LRRC9: variants seen among roughly 807,000 people sequenced by gnomAD.
LRRC9 encodes leucine-rich repeat-containing protein 9.
In LRRC9, 122 loss-of-function variants were observed where a neutral mutation model predicts 63.2. The ratio of observed to expected loss-of-function variants is 1.93; its 90% CI spans 1.67 to 2.24. The LOEUF (loss-of-function observed/expected upper bound fraction) is 2.24. Ranked by LOEUF, LRRC9 falls within the 30% of genes most tolerant of loss-of-function variation. The pLI is 0.00. For missense variants in LRRC9, 1,071 were observed against 627.7 expected (o/e 1.71, Z -7.55); for synonymous variants, 366 against 213.1 (o/e 1.72, Z -6.25).
chr14:59,942,864 G>C lies in LRRC9; in HGVS notation c.727-1725G>C, dbSNP rs1312689383. 6.6e-6 allele frequency among the ~76,000 whole-genome samples: 1 copy of C among 151,932 alleles called. No homozygotes were observed. Among genetic ancestry groups the C allele is most frequent in the Non-Finnish European group, 1.5e-5 (1 of 68,002 alleles). On this transcript the variant is annotated intron_variant, in intron 7 of 31. Transcript: ENST00000445360. The surrounding 1 kb of genome is among the most constrained non-coding windows in gnomAD (Gnocchi z 5.3). ...TTTATTTGCATTTCCATGATGGTTAGTTAGTGATGTTGAGCATTTTTTCAT... is the reference window on the plus strand; with the variant it reads ...TTTATTTGCATTTCCATGATGGTTACTTAGTGATGTTGAGCATTTTTTCAT...
intron 27 of LRRC9, among the ~76,000 whole-genome samples, chr14:60,024,326 A>G (rs1891348909): frequency 6.6e-6 from 1 of 152,120 alleles, no homozygotes; most frequent in South Asian, 2.1e-4. Flanking sequence ...TAGAGCCAGG[A>G]CCAAAGTAGG....
Position 60,058,826 on chromosome 14 carries a change from T to C in LRRC9, c.4276+804T>C, listed in dbSNP as rs1238392644. On this transcript the variant is annotated intron_variant, in intron 31 of 31. Transcript: ENST00000445360. This position sits in a 1 kb window ranked among gnomAD's most constrained non-coding sequence, Gnocchi z 4.4. ...AGACTGTTCCATGTGATTAAAGTTT[T>C]TTAAAGAAACCCACTGAAAAACAAA... 6.6e-6 allele frequency among the ~76,000 whole-genome samples: 1 copy of C among 152,160 alleles called. No individual in the cohort carries two copies. Among genetic ancestry groups the C allele is most frequent in the Admixed American group, 6.5e-5 (1 of 15,274 alleles).
rs1378064743 is a variant in LRRC9 at position 60,038,809 on chromosome 14, T to C, written c.3990+6746T>C. Among the ~76,000 whole-genome samples, 7 of 152,342 alleles carry C rather than the reference T, an allele frequency of 4.6e-5. No homozygotes were observed. The East Asian group carries it at 1.2e-3, about 25-fold the overall frequency. Reference sequence around the variant, plus strand: ...CCAGAACTTCCAACACTATGTTGAATAGGAGTGGTGAGAGAGGGCATCCCT... The same window carrying C: ...CCAGAACTTCCAACACTATGTTGAACAGGAGTGGTGAGAGAGGGCATCCCT... On this transcript the variant is annotated intron_variant, in intron 29 of 31. Transcript: ENST00000445360.
rs1419647509 is a variant in LRRC9, at chr14:59,932,928, CAT to C, written c.543+893_543+894del. Among the ~76,000 whole-genome samples, 1 of 152,092 alleles carries C rather than the reference CAT, an allele frequency of 6.6e-6. No homozygotes were observed. Among genetic ancestry groups the C allele is most frequent in the African/African-American group, 2.4e-5 (1 of 41,432 alleles). ...ATCTATTTCAGAGTAGAAGACATTT[CAT>C]ATAATGGGGCCATAAGACTACCTAA... On this transcript the variant is annotated intron_variant, in intron 6 of 31. Transcript: ENST00000445360. This position sits in a 1 kb window ranked among gnomAD's most constrained non-coding sequence, Gnocchi z 4.7.
chr14:59,976,282 A>G (rs1408204440), intron 13 of LRRC9, among the ~76,000 whole-genome samples: 1 of 152,246 alleles, frequency 6.6e-6, no homozygotes, highest in African/African-American at 2.4e-5. Context: ...CACCTGAATC[A>G]TCCTGAAACC....
At chr14:59,979,357 G>A (rs1360865129) in intron 15 of LRRC9, among the ~76,000 whole-genome samples, 1 of 152,144 alleles carries the variant, frequency 6.6e-6, no homozygotes, top group Non-Finnish European at 1.5e-5. Context: ...GGTGGCTCAC[G>A]CCTGTAATCC....
intron 8 of LRRC9, among the ~76,000 whole-genome samples, chr14:59,945,820 G>T (rs1201615194): frequency 1.3e-5 from 2 of 151,846 alleles, no homozygotes; most frequent in Non-Finnish European, 2.9e-5. Flanking sequence ...AAATAAAAAT[G>T]ACTAATAAGC....
At chr14:59,957,228 C>T (rs1247496216) in intron 8 of LRRC9, among the ~76,000 whole-genome samples, 1 of 152,160 alleles carries the variant, frequency 6.6e-6, no homozygotes, top group East Asian at 1.9e-4. Flanking sequence ...TGTTTTCCAA[C>T]TTGGTTGCAT....
At chr14:59,981,441 A>C (rs1886917695) in intron 15 of LRRC9, among the ~76,000 whole-genome samples, 1 of 152,178 alleles carries the variant, frequency 6.6e-6, no homozygotes, top group African/African-American at 2.4e-5. Flanking sequence ...TAAGGTAACT[A>C]ATTGCTCTTT....
At chr14:59,982,875 A>C (rs929866828) in intron 16 of LRRC9, among the ~76,000 whole-genome samples, 1 of 152,228 alleles carries the variant, frequency 6.6e-6, no homozygotes, top group African/African-American at 2.4e-5. Context: ...ATAACCAATC[A>C]GCTCTCTTCA....
intron 8 of LRRC9, among the ~76,000 whole-genome samples, chr14:59,957,220 T>A (rs1204190176): frequency 6.6e-6 from 1 of 152,166 alleles, no homozygotes. Context: ...CTGAAGTGTG[T>A]TTTCCAACTT....
chr14:60,008,818 A>G (rs980709717), intron 23 of LRRC9, among the ~76,000 whole-genome samples: 1 of 152,190 alleles, frequency 6.6e-6, no homozygotes, highest in Admixed American at 6.5e-5. Flanking sequence ...AGCTCCTGTC[A>G]GAAAAGAAAA....
In LRRC9 at chr14:59,931,954, G is replaced by T; in HGVS notation, c.473-15G>T. The stretch of plus-strand genomic sequence containing the variant: ...AAGGTAAAATAATTGAATTCTTTTC[G>T]TCTATTTTTTAAAGGTCGATGTCTT... On this transcript the variant is annotated splice_polypyrimidine_tract_variant and intron_variant, in intron 5 of 31. Coordinates refer to ENST00000445360, the Ensembl canonical transcript of LRRC9. The T allele has an allele frequency of 1.4e-6, 1 of 697,008 alleles. No homozygotes were observed. The highest frequency in any genetic ancestry group is 1.5e-5 in the South Asian group (1 of 66,224). 43.2% of individuals were successfully genotyped at this position (697,008 alleles called of 1,614,324 possible).
intron 29 of LRRC9, among the ~76,000 whole-genome samples, chr14:60,044,370 T>C (rs1178017161): frequency 2.6e-5 from 4 of 152,152 alleles, no homozygotes; most frequent in African/African-American, 9.6e-5. Flanking sequence ...TCTTGTTGCT[T>C]AAGGCACATC....
chr14:59,959,825 G>A (rs949509611), exon 9 of LRRC9: 8 of 614,450 alleles, frequency 1.3e-5, no homozygotes, highest in African/African-American at 7.4e-5. Context: ...CAGTTGGAAC[G>A]AGAACTGGCT....
In LRRC9 at chr14:60,031,032, G is replaced by C. The variant is rs1470130954; in HGVS notation, c.3922-963G>C. Reference sequence around the variant, plus strand: ...ATATTTCACTAGTGACTACTGTTGTGTTCGGTTTAATTTGAGAAAATAATG... The same window carrying C: ...ATATTTCACTAGTGACTACTGTTGTCTTCGGTTTAATTTGAGAAAATAATG... On this transcript the variant is annotated intron_variant, in intron 28 of 31. Coordinates refer to ENST00000445360, the Ensembl canonical transcript of LRRC9. This position sits in a 1 kb window ranked among gnomAD's most constrained non-coding sequence, Gnocchi z 4.6. Among the ~76,000 whole-genome samples, 3 of 152,052 alleles carry C rather than the reference G, an allele frequency of 2.0e-5. No individual in the cohort carries two copies. Among genetic ancestry groups the C allele is most frequent in the Non-Finnish European group, 4.4e-5 (3 of 67,958 alleles).
chr14:60,048,224 A>G (rs1007915264), intron 29 of LRRC9, among the ~76,000 whole-genome samples: 5 of 152,178 alleles, frequency 3.3e-5, no homozygotes, highest in African/African-American at 1.2e-4. Context: ...ATCACAACCA[A>G]AAGAACTAGA....
chr14:60,041,454 A>C (rs1595091135), intron 29 of LRRC9, among the ~76,000 whole-genome samples: 1 of 151,110 alleles, frequency 6.6e-6, no homozygotes, highest in Middle Eastern at 3.4e-3. Flanking sequence ...GGCTTTATGC[A>C]TTTTTTACTC....
intron 7 of LRRC9, among the ~76,000 whole-genome samples, chr14:59,941,750 G>T (rs546638949): frequency 6.6e-6 from 1 of 152,188 alleles, no homozygotes; most frequent in Admixed American, 6.5e-5. Context: ...AATGTATAAT[G>T]ATCAAATAAG....
Sources: gnomAD v4.1 joint callset for allele counts (sites outside exome capture counted in the v4.1 genomes callset) on GRCh38, gnomAD v4.1.1 for gene constraint, Gnocchi (gnomAD v3.1) non-coding constraint, MANE v1.5 for transcripts, NCBI Gene and HGNC (gene_info 2026-07-23, HGNC 2026-07-21) for gene names.